Variants in MDM4 observed in about 807,000 individuals in gnomAD.
MDM4 encodes the protein MDM4 regulator of p53.
Under a neutral mutation model 60.2 loss-of-function variants are expected in MDM4, and 2 were observed. That is an observed-to-expected ratio of 0.03 (90% CI 0.01 to 0.10). MDM4 has a LOEUF of 0.10. Ranked by LOEUF, MDM4 falls within the 10% of genes least tolerant of loss-of-function variation. The pLI is 1.00. For synonymous variants in MDM4, 202 were observed against 198.1 expected (o/e 1.02, Z -0.17); for missense variants, 447 against 577.5 (o/e 0.77, Z 2.32).
At chr1:204,533,293 A>G (rs1360210707) in intron 5 of MDM4, among the ~76,000 whole-genome samples, 1 of 152,192 alleles carries the variant, frequency 6.6e-6, no homozygotes, top group East Asian at 1.9e-4. Context: ...CCTCTCCACT[A>G]CTACATAAAG....
At position 204,546,777 on chromosome 1, in the gene MDM4, A is replaced by C; in HGVS notation, c.823-20A>C. The C allele has an allele frequency of 6.5e-7, 1 of 1,537,948 alleles. No homozygotes were observed. Among genetic ancestry groups the C allele is most frequent in the Non-Finnish European group, 9.0e-7 (1 of 1,113,524 alleles). ...CTAAAACAAGTAAACATTACTAATG[A>C]GATGTTTTTGCCTTCACAGGTGATT... On this transcript the variant is annotated intron_variant, in intron 9 of 10. Transcript: ENST00000367182.
rs1225587555 is a variant in MDM4 at position 204,554,825 on chromosome 1, T to C, written c.*5143T>C. ...CTTTATAGGAGCCATTGGATTTCTT[T>C]CCTTTTGTGGGAAATGTCCCATTAG... On this transcript the variant is annotated 3_prime_UTR_variant, in exon 11 of 11. Coordinates refer to ENST00000367182, the MANE Select transcript of MDM4 (RefSeq NM_002393.5). 8.9e-6 allele frequency: 2 copies of C among 225,474 alleles called. No homozygotes were observed. The highest frequency in any genetic ancestry group is 1.8e-5 in the Non-Finnish European group (2 of 113,240). The allele number at this position is 225,474 out of a possible 1,614,324, so 14.0% of individuals were successfully genotyped here.
At chr1:204,543,907 A>C (rs1662384590) in intron 8 of MDM4, among the ~76,000 whole-genome samples, 1 of 152,220 alleles carries the variant, frequency 6.6e-6, no homozygotes, top group Non-Finnish European at 1.5e-5. Flanking sequence ...TACCTAGAAC[A>C]GTATGTGGCA....
At chr1:204,535,533 T>C (rs1240668477) in intron 5 of MDM4, among the ~76,000 whole-genome samples, 4 of 151,768 alleles carry the variant, frequency 2.6e-5, no homozygotes, top group African/African-American at 9.7e-5. Flanking sequence ...ACTAACTTTG[T>C]GTGTGTTTAT....
intron 3 of MDM4, 39 bp downstream of exon 3, chr1:204,526,473 T>TG (rs1273352738): frequency 3.3e-6 from 5 of 1,529,968 alleles, no homozygotes; most frequent in South Asian, 1.2e-5. Context: ...TTTTGTTTTT[T>TG]TTTTTTTTGA....
At chr1:204,525,315 G>C in intron 1 of MDM4, 169 bp from the exon 2 acceptor site, 1 of 984,638 alleles carries the variant, frequency 1.0e-6, no homozygotes, top group Non-Finnish European at 1.2e-6. Flanking sequence ...GAACTAGAAA[G>C]TAGTCAGAAG....
chr1:204,551,372 AT>A lies in MDM4; in HGVS notation c.*1698del. 1.8e-5 allele frequency: 4 copies of A among 218,676 alleles called. No homozygotes were observed. The highest frequency in any genetic ancestry group is 3.6e-5 in the Non-Finnish European group (4 of 112,024). The allele number at this position is 218,676 out of a possible 1,614,324, so 13.5% of individuals were successfully genotyped here. A position where few individuals can be genotyped will look rare whatever the true frequency, so the allele number is the denominator to read the frequency against. On this transcript the variant is annotated 3_prime_UTR_variant, in exon 11 of 11. Transcript: ENST00000367182. ...TCTTTGCGTCTTAGGAGTCATTTAG[AT>A]TTTTTTTGATCCTTTTGTTTAGTGC...
At chr1:204,522,172 AAAT>A (rs1004620928) in intron 1 of MDM4, among the ~76,000 whole-genome samples, 2 of 151,804 alleles carry the variant, frequency 1.3e-5, no homozygotes, top group Non-Finnish European at 2.9e-5. Flanking sequence ...TCTCTACAAA[AAAT>A]AAATTAGCTG....
rs913859101 is a variant in MDM4 at position 204,553,483 on chromosome 1, G to A, written c.*3801G>A. ...GGATGTTAAATTATATGGTCACCTAGTTATAGGTAAGCCTTGTTCGAGTTG... is the reference window on the plus strand; with the variant it reads ...GGATGTTAAATTATATGGTCACCTAATTATAGGTAAGCCTTGTTCGAGTTG... On this transcript the variant is annotated 3_prime_UTR_variant, in exon 11 of 11. Transcript: ENST00000367182. The A allele has an allele frequency of 2.2e-5, 5 of 226,218 alleles. No individual in the cohort carries two copies. Among genetic ancestry groups the A allele is most frequent in the Admixed American group, 5.7e-5 (1 of 17,548 alleles). 14.0% of individuals were successfully genotyped at this position (226,218 alleles called of 1,614,324 possible). A position where few individuals can be genotyped will look rare whatever the true frequency, so the allele number is the denominator to read the frequency against.
intron 1 of MDM4, among the ~76,000 whole-genome samples, chr1:204,519,251 G>T (rs1011897515): frequency 6.6e-6 from 1 of 152,116 alleles, no homozygotes; most frequent in Admixed American, 6.6e-5. Context: ...TTTTTAAAAT[G>T]CTTTTGGCAG....
In MDM4 at chr1:204,553,597, A is replaced by G; in HGVS notation, c.*3915A>G. ...ACTATGAATAATGAAATCACACCAC[A>G]TTACCATCAGATTTCTTGTTTTAGT... is the stretch of plus-strand genomic sequence containing the variant. On this transcript the variant is annotated 3_prime_UTR_variant, in exon 11 of 11. Transcript: ENST00000367182. 4.4e-6 allele frequency: 1 copy of G among 228,482 alleles called. No homozygotes were observed. Among genetic ancestry groups the G allele is most frequent in the East Asian group, 6.3e-5 (1 of 15,870 alleles). The allele number at this position is 228,482 out of a possible 1,614,324, so 14.2% of individuals were successfully genotyped here.
At position 204,538,707 on chromosome 1, in the gene MDM4, T is replaced by C. The variant is rs1426188022; in HGVS notation, c.511+399T>C. Among the ~76,000 whole-genome samples, 16 of 130,056 alleles carry C rather than the reference T, an allele frequency of 1.2e-4. No individual in the cohort carries two copies. In the East Asian group the frequency reaches 1.9e-3, roughly 16 times the overall value. 85.3% of individuals were successfully genotyped at this position (130,056 alleles called of 152,430 possible). A position where few individuals can be genotyped will look rare whatever the true frequency, so the allele number is the denominator to read the frequency against. On this transcript the variant is annotated intron_variant, in intron 7 of 10. Transcript: ENST00000367182. ...TTGAGGCAAAGGCCAATTTTCATAC[T>C]TTTTTTTTTTTTTTTGGAGTCAGAG...
chr1:204,540,560 C>T (rs886332155), intron 7 of MDM4, among the ~76,000 whole-genome samples: 2 of 151,658 alleles, frequency 1.3e-5, no homozygotes, highest in Admixed American at 6.6e-5. Context: ...GTCAGGAGTT[C>T]GAGACCAGCC....
intron 1 of MDM4, 94 bp from the exon 2 acceptor site, chr1:204,525,390 G>A (rs994150640): frequency 4.1e-6 from 6 of 1,447,380 alleles, no homozygotes; most frequent in Non-Finnish European, 4.5e-6. Flanking sequence ...TGTGTCATAT[G>A]TGTCTTTTAC....
chr1:204,551,726 AT>A lies in MDM4; in HGVS notation c.*2045del, dbSNP rs1389528486. On this transcript the variant is annotated 3_prime_UTR_variant, in exon 11 of 11. Transcript: ENST00000367182. ...GGCCCTAGAATTGTCAAACTTAAGG[AT>A]CATAAAAATCATGAGGGTTGCTTGT... 1 of 229,840 alleles carries A rather than the reference AT, an allele frequency of 4.4e-6. No homozygotes were observed. The highest frequency in any genetic ancestry group is 2.2e-5 in the African/African-American group (1 of 44,996). 14.2% of individuals were successfully genotyped at this position (229,840 alleles called of 1,614,324 possible).
intron 9 of MDM4, among the ~76,000 whole-genome samples, chr1:204,545,372 G>A (rs1037900495): frequency 5.9e-5 from 9 of 151,896 alleles, no homozygotes; most frequent in African/African-American, 2.2e-4. Flanking sequence ...AAGTACTCAT[G>A]TGTATGGTAT....
chr1:204,527,929 A>G (rs1297786246), intron 3 of MDM4, among the ~76,000 whole-genome samples: 1 of 151,660 alleles, frequency 6.6e-6, no homozygotes, highest in Non-Finnish European at 1.5e-5. Context: ...GAACCATTAC[A>G]CTTCTCAAGG....
intron 3 of MDM4, among the ~76,000 whole-genome samples, chr1:204,527,589 G>T (rs959187090): frequency 1.3e-5 from 2 of 149,896 alleles, no homozygotes; most frequent in African/African-American, 4.9e-5. Context: ...GTTGCGGTGA[G>T]CCAAGATTGT....
chr1:204,518,419 C>CTA (rs1659215478), intron 1 of MDM4, among the ~76,000 whole-genome samples: 1 of 152,214 alleles, frequency 6.6e-6, no homozygotes, highest in Middle Eastern at 3.2e-3. Flanking sequence ...GTCCCAGGTC[C>CTA]TGTAGAACAC....
Sources: gnomAD v4.1 joint callset for allele counts (sites outside exome capture counted in the v4.1 genomes callset) on GRCh38, gnomAD v4.1.1 for gene constraint, MANE v1.5 for transcripts, NCBI Gene and HGNC (gene_info 2026-07-23, HGNC 2026-07-21) for gene names.